The following VAV3 variants were observed in gnomAD, a reference collection of about 807,000 sequenced individuals.
VAV3 encodes vav guanine nucleotide exchange factor 3, also known as guanine nucleotide exchange factor VAV3.
In VAV3, 94 loss-of-function variants were observed where a neutral mutation model predicts 131.2. The observed-to-expected ratio is 0.72, with a 90% confidence interval of 0.61 to 0.85. The LOEUF (loss-of-function observed/expected upper bound fraction) is 0.85. VAV3 is among the 40% of genes least tolerant of loss of function. VAV3 has a pLI of 0.00. For synonymous variants in VAV3, 349 were observed against 342.0 expected, an observed-to-expected ratio of 1.02 and a Z score of -0.22; for missense variants, 939 against 1,002.7, an observed-to-expected ratio of 0.94 and a Z score of 0.86.
intron 2 of VAV3, among the ~76,000 whole-genome samples, chr1:107,832,664 C>G (rs112920841): frequency 6.6e-6 from 1 of 152,054 alleles, no homozygotes; most frequent in Non-Finnish European, 1.5e-5. Flanking sequence ...TCTTTAACAC[C>G]TCGGTAGAAA....
At chr1:107,812,634 T>A (rs1469912652) in intron 2 of VAV3, among the ~76,000 whole-genome samples, 1 of 152,190 alleles carries the variant, frequency 6.6e-6, no homozygotes, top group East Asian at 1.9e-4. Flanking sequence ...AACTGTTAAA[T>A]CACGTTGCAA....
intron 2 of VAV3, among the ~76,000 whole-genome samples, chr1:107,781,520 T>C: frequency 6.6e-6 from 1 of 152,166 alleles, no homozygotes; most frequent in East Asian, 1.9e-4. Context: ...ACATATAATT[T>C]TTATTTGTTA....
At chr1:107,961,560 T>C (rs910109953) in intron 1 of VAV3, among the ~76,000 whole-genome samples, 1 of 152,240 alleles carries the variant, frequency 6.6e-6, no homozygotes, top group Non-Finnish European at 1.5e-5. Context: ...CTGCATTTTA[T>C]TTAACTGTAT....
chr1:107,595,955 TA>T (rs1243912238), intron 25 of VAV3, among the ~76,000 whole-genome samples: 1 of 152,138 alleles, frequency 6.6e-6, no homozygotes, highest in Non-Finnish European at 1.5e-5. Context: ...GAAATGTAAA[TA>T]TTAGCATATC....
At chr1:107,962,278 T>C (rs947607127) in intron 1 of VAV3, among the ~76,000 whole-genome samples, 4 of 152,196 alleles carry the variant, frequency 2.6e-5, no homozygotes, top group Non-Finnish European at 5.9e-5. Context: ...ACCAGGTTAA[T>C]AGTGTATTCA....
chr1:107,704,919 T>A, intron 16 of VAV3, 41 bp downstream of exon 16: 1 of 1,562,294 alleles, frequency 6.4e-7, no homozygotes, highest in Non-Finnish European at 8.8e-7. Context: ...AGCAATTATA[T>A]CAGTTCCTTT....
intron 1 of VAV3, among the ~76,000 whole-genome samples, chr1:107,938,882 C>T (rs369376412): frequency 2.0e-4 from 30 of 152,300 alleles, no homozygotes; most frequent in African/African-American, 7.0e-4. Flanking sequence ...ACTCTTGTAC[C>T]AATCACAGAG....
intron 15 of VAV3, among the ~76,000 whole-genome samples, chr1:107,724,657 C>G (rs1460001166): frequency 1.3e-5 from 2 of 152,118 alleles, no homozygotes; most frequent in Non-Finnish European, 2.9e-5. Context: ...GGCATAGCTG[C>G]TTTCAATCTG....
intron 2 of VAV3, among the ~76,000 whole-genome samples, chr1:107,814,842 G>A (rs960044923): frequency 2.6e-5 from 4 of 152,152 alleles, no homozygotes; most frequent in African/African-American, 9.7e-5. Context: ...AGAGAACAAG[G>A]AAAGAGAGAT....
chr1:107,776,476 T>G (rs1411183493), intron 4 of VAV3, among the ~76,000 whole-genome samples: 1 of 152,124 alleles, frequency 6.6e-6, no homozygotes, highest in East Asian at 1.9e-4. Context: ...AGCAAAAACT[T>G]GAACGCTGAG....
At chr1:107,579,182 C>T (rs1456997411) in intron 25 of VAV3, among the ~76,000 whole-genome samples, 1 of 152,128 alleles carries the variant, frequency 6.6e-6, no homozygotes, top group South Asian at 2.1e-4. Context: ...TATTATAATT[C>T]CACCCAAACA....
At chr1:107,723,773 C>G (rs1661662278) in intron 15 of VAV3, among the ~76,000 whole-genome samples, 1 of 152,128 alleles carries the variant, frequency 6.6e-6, no homozygotes, top group Non-Finnish European at 1.5e-5. Flanking sequence ...CCATATTTCT[C>G]TTGGTGGTAC....
chr1:107,770,251 G>T (rs956670703), intron 6 of VAV3, among the ~76,000 whole-genome samples: 6 of 152,036 alleles, frequency 3.9e-5, no homozygotes, highest in Non-Finnish European at 5.9e-5. Flanking sequence ...GAGGGCTTCT[G>T]CTACCACTCT....
At chr1:107,706,743 C>A (rs1336497871) in intron 15 of VAV3, among the ~76,000 whole-genome samples, 1 of 152,172 alleles carries the variant, frequency 6.6e-6, no homozygotes, top group African/African-American at 2.4e-5. Flanking sequence ...TGTTTCTGAG[C>A]ATCAAGGTGA....
intron 1 of VAV3, among the ~76,000 whole-genome samples, chr1:107,916,934 C>T (rs12564085): frequency 0.062 from 9,396 of 152,082 alleles, 431 homozygotes; most frequent in African/African-American, 0.13. Flanking sequence ...CTGTGTGACG[C>T]ACAAGACAAG....
At chr1:107,615,301 C>T (rs553012519) in intron 21 of VAV3, among the ~76,000 whole-genome samples, 6 of 152,118 alleles carry the variant, frequency 3.9e-5, no homozygotes, top group South Asian at 2.1e-4. Context: ...CATTATCATA[C>T]GTGAATTAAC....
At chr1:107,600,266 C>G (rs940072223) in intron 24 of VAV3, among the ~76,000 whole-genome samples, 1 of 152,182 alleles carries the variant, frequency 6.6e-6, no homozygotes, top group Non-Finnish European at 1.5e-5. Flanking sequence ...ATTAGTTCAG[C>G]TGCCTCTTCA....
At chr1:107,724,050 G>T (rs1661683180) in intron 15 of VAV3, among the ~76,000 whole-genome samples, 1 of 151,946 alleles carries the variant, frequency 6.6e-6, no homozygotes, top group Non-Finnish European at 1.5e-5. Context: ...ACTCTGATTT[G>T]ACTCTTAACC....
intron 15 of VAV3, among the ~76,000 whole-genome samples, chr1:107,712,212 G>C (rs1378871315): frequency 6.6e-6 from 1 of 152,142 alleles, no homozygotes; most frequent in East Asian, 1.9e-4. Context: ...AAATATGTGA[G>C]AATAGTTGGA....
Sources: gnomAD v4.1 joint callset for allele counts (sites outside exome capture counted in the v4.1 genomes callset) on GRCh38, gnomAD v4.1.1 for gene constraint, MANE v1.5 for transcripts, NCBI Gene and HGNC (gene_info 2026-07-23, HGNC 2026-07-21) for gene names.